Variants in BZW1 observed in about 807,000 individuals in gnomAD.
BZW1 encodes the protein basic leucine zipper and W2 domains 1.
Under a neutral mutation model 54.1 loss-of-function variants are expected in BZW1, and 3 were observed. The ratio of observed to expected loss-of-function variants is 0.06; its 90% confidence interval spans 0.03 to 0.14. The LOEUF (loss-of-function observed/expected upper bound fraction) is 0.14. Among genes scored for constraint, BZW1 ranks in the 10% least tolerant of loss-of-function variants. The pLI, the probability that BZW1 is intolerant of heterozygous loss-of-function variation, is 1.00. For synonymous variants in BZW1, 152 were observed against 162.7 expected, an observed-to-expected ratio of 0.93 and a Z score of 0.50; for missense variants, 206 against 491.7, an observed-to-expected ratio of 0.42 and a Z score of 5.50.
At chr2:200,815,828 C>T in intron 4 of BZW1, 67 bp downstream of exon 4, 1 of 1,357,452 alleles carries the variant, frequency 7.4e-7, no homozygotes, top group Non-Finnish European at 9.8e-7. Flanking sequence ...GAGGAATATT[C>T]TACTTTTAAG....
chr2:200,816,290 A>G (rs759358345), intron 4 of BZW1, 35 bp from the exon 5 acceptor site: 17 of 1,470,310 alleles, frequency 1.2e-5, no homozygotes, highest in Non-Finnish European at 1.6e-5. Context: ...CTAGAAATAT[A>G]TGAAGTTACT....
chr2:200,812,099 A>G (rs1240171567), intron 1 of BZW1, 109 bp downstream of exon 1: 5 of 631,670 alleles, frequency 7.9e-6, no homozygotes, highest in Non-Finnish European at 1.1e-5. Context: ...GATGGGCCCG[A>G]ACGGAGGTCG....
At chr2:200,818,974 T>C (rs1426885966) in intron 9 of BZW1, 73 bp downstream of exon 9, 3 of 1,461,128 alleles carry the variant, frequency 2.1e-6, no homozygotes, top group Non-Finnish European at 1.8e-6. Context: ...TGACTATATT[T>C]TTCTAAGAGG....
rs1210969653 is a variant in BZW1, at chr2:200,823,834, C to T, written c.*1656C>T. The T allele has an allele frequency of 6.6e-6, 1 of 152,232 alleles. No individual in the cohort carries two copies. The highest frequency in any genetic ancestry group is 6.6e-5 in the Admixed American group (1 of 15,230). 9.4% of individuals were successfully genotyped at this position (152,232 alleles called of 1,614,324 possible). ...TAAAAAAATAAAGTCCATACTTACA[C>T]TTAGGCTTTATACATCAGTCTTTTT... On this transcript the variant is annotated 3_prime_UTR_variant, in exon 12 of 12. Transcript: ENST00000409600.
intron 1 of BZW1, 34 bp from the exon 2 acceptor site, chr2:200,813,174 C>A (rs1003259240): frequency 1.4e-5 from 22 of 1,552,688 alleles, no homozygotes; most frequent in Non-Finnish European, 2.0e-5. Context: ...AGTATTATGG[C>A]ACTGATATTA....
Position 200,812,382 on chromosome 2 carries a change from C to T in BZW1, c.-11+392C>T, listed in dbSNP as rs556317029. ...CCACCGCTGCGGCCGCCGCCTCCGC[C>T]GCTGCTTTCGCTGGAGGGCGGGCGG... is the stretch of plus-strand genomic sequence containing the variant. On this transcript the variant is annotated intron_variant, in intron 1 of 11. Coordinates refer to ENST00000409600, the MANE Select transcript of BZW1 (RefSeq NM_001207067.2). 8.0e-5 allele frequency: 103 copies of T among 1,285,342 alleles called. 1 individual carries two copies. The South Asian group carries it at 2.3e-3, about 29-fold the overall frequency. The allele number at this position is 1,285,342 out of a possible 1,614,324, so 79.6% of individuals were successfully genotyped here. A position where few individuals can be genotyped will look rare whatever the true frequency, so the allele number is the denominator to read the frequency against.
Position 200,822,283 on chromosome 2 carries a change from G to GAT in BZW1, c.*109_*110dup. The GAT allele has an allele frequency of 2.1e-6, 2 of 973,920 alleles. No homozygotes were observed. The highest frequency in any genetic ancestry group is 3.0e-6 in the Non-Finnish European group (2 of 659,434). 60.3% of individuals were successfully genotyped at this position (973,920 alleles called of 1,614,324 possible). A position where few individuals can be genotyped will look rare whatever the true frequency, so the allele number is the denominator to read the frequency against. ...CTTCCTACCTCCCTGTATCAAGCAT[G>GAT]ATATAAGGGCTTTCATGGCAAATTT... On this transcript the variant is annotated 3_prime_UTR_variant, in exon 12 of 12. Coordinates refer to ENST00000409600, the MANE Select transcript of BZW1 (RefSeq NM_001207067.2).
chr2:200,818,985 A>G (rs1559313420), intron 9 of BZW1, 84 bp downstream of exon 9: 3 of 1,437,272 alleles, frequency 2.1e-6, no homozygotes, highest in Non-Finnish European at 2.8e-6. Flanking sequence ...TTCTAAGAGG[A>G]TTTATCACAT....
intron 11 of BZW1, among the ~76,000 whole-genome samples, 155 bp downstream of exon 11, chr2:200,821,460 T>C (rs2038507034): frequency 2.0e-5 from 3 of 152,246 alleles, no homozygotes; most frequent in Non-Finnish European, 4.4e-5. Context: ...AGTTTAATTA[T>C]TATAGTATAT....
chr2:200,817,025 T>C (rs2038320424), intron 5 of BZW1, 81 bp from the exon 6 acceptor site: 4 of 1,494,650 alleles, frequency 2.7e-6, no homozygotes, highest in Non-Finnish European at 3.6e-6. Context: ...ATTGAACAGG[T>C]AGCCAGTATA....
intron 1 of BZW1, 113 bp from the exon 2 acceptor site, chr2:200,813,095 C>T (rs1006354606): frequency 2.0e-5 from 17 of 847,462 alleles, no homozygotes; most frequent in Non-Finnish European, 3.3e-5. Context: ...AGCTTTATAT[C>T]CTGAGAGTGG....
Position 200,826,394 on chromosome 2 carries a change from TAGA to T in BZW1, c.*4217_*4219del, listed in dbSNP as rs2038692881. The stretch of plus-strand genomic sequence containing the variant: ...AGATATAGATAGATAGATAGATAGA[TAGA>T]TAGATAGATATTTTTTTTTTTTTTT... On this transcript the variant is annotated 3_prime_UTR_variant, in exon 12 of 12. Coordinates refer to ENST00000409600, the MANE Select transcript of BZW1 (RefSeq NM_001207067.2). The T allele has an allele frequency of 5.4e-4, 52 of 96,234 alleles. No homozygotes were observed. The highest frequency in any genetic ancestry group is 1.0e-3 in the East Asian group (4 of 3,888). The allele number at this position is 96,234 out of a possible 1,614,324, so 6.0% of individuals were successfully genotyped here. A position where few individuals can be genotyped will look rare whatever the true frequency, so the allele number is the denominator to read the frequency against.
In BZW1 at chr2:200,817,961, T is replaced by G. The variant is rs2038354831; in HGVS notation, c.539-13T>G. ...GAAGGTACTTCTGTTAATTAAGCTA[T>G]TTTCTTTTACAGGAGTTTCAGCAGC... On this transcript the variant is annotated splice_polypyrimidine_tract_variant and intron_variant, in intron 6 of 11. Coordinates refer to ENST00000409600, the MANE Select transcript of BZW1 (RefSeq NM_001207067.2). 1 of 1,532,106 alleles carries G rather than the reference T, an allele frequency of 6.5e-7. No individual in the cohort carries two copies. Among genetic ancestry groups the G allele is most frequent in the African/African-American group, 1.4e-5 (1 of 72,436 alleles). 94.9% of individuals were successfully genotyped at this position (1,532,106 alleles called of 1,614,324 possible).
chr2:200,813,384 G>A (rs1397353053), intron 2 of BZW1, 103 bp downstream of exon 2: 19 of 1,033,560 alleles, frequency 1.8e-5, no homozygotes, highest in Non-Finnish European at 2.7e-5. Context: ...CTCAAAAGAA[G>A]ATACCAGAAA....
chr2:200,816,286 A>C (rs147051245), intron 4 of BZW1, 39 bp from the exon 5 acceptor site: 1 of 1,443,248 alleles, frequency 6.9e-7, no homozygotes, highest in Non-Finnish European at 9.6e-7. Context: ...TATTCTAGAA[A>C]TATATGAAGT....
At chr2:200,813,387 AC>A in intron 2 of BZW1, 106 bp downstream of exon 2, 1 of 998,778 alleles carries the variant, frequency 1.0e-6, no homozygotes, top group Non-Finnish European at 1.5e-6. Flanking sequence ...AAAAGAAGAT[AC>A]CAGAAAGAAA....
chr2:200,811,999 C>G lies in BZW1; in HGVS notation c.-11+9C>G, dbSNP rs2038082006. On this transcript the variant is annotated intron_variant, in intron 1 of 11. Transcript: ENST00000409600. Reference sequence around the variant, plus strand: ...TCTTCGCCTTAAATTCGGTGAGACGCGGCGCCCCGCTCACCCCGGGCGGAC... The same window carrying G: ...TCTTCGCCTTAAATTCGGTGAGACGGGGCGCCCCGCTCACCCCGGGCGGAC... 6 of 375,530 alleles carry G rather than the reference C, an allele frequency of 1.6e-5. No homozygotes were observed. The East Asian group carries it at 2.3e-4, about 15-fold the overall frequency. 23.3% of individuals were successfully genotyped at this position (375,530 alleles called of 1,614,324 possible). A position where few individuals can be genotyped will look rare whatever the true frequency, so the allele number is the denominator to read the frequency against.
At position 200,816,837 on chromosome 2, in the gene BZW1, A is replaced by C. The variant is rs182369118; in HGVS notation, c.403-269A>C. Among the ~76,000 whole-genome samples the C allele has an allele frequency of 9.3e-4, 142 of 152,342 alleles. 1 individual carries two copies. The highest frequency in any genetic ancestry group is 3.3e-3 in the African/African-American group (137 of 41,564). ...AAACTTGATATGTTTATCAAGCACC[A>C]GGCACTGTTCTAATGATACTAATTC... On this transcript the variant is annotated intron_variant, in intron 5 of 11. Transcript: ENST00000409600.
At chr2:200,821,825 CTT>C (rs1380934153) in intron 11 of BZW1, among the ~76,000 whole-genome samples, 1 of 152,152 alleles carries the variant, frequency 6.6e-6, no homozygotes, top group African/African-American at 2.4e-5. Flanking sequence ...AATCCTAGCA[CTT>C]TGGGAGGCTG....
Sources: gnomAD v4.1 joint callset for allele counts (sites outside exome capture counted in the v4.1 genomes callset) on GRCh38, gnomAD v4.1.1 for gene constraint, MANE v1.5 for transcripts, NCBI Gene and HGNC (gene_info 2026-07-23, HGNC 2026-07-21) for gene names.